Variants in MAML3 observed in about 807,000 individuals in gnomAD.
MAML3 encodes the protein mastermind-like protein 3.
A neutral mutation model predicts 101.9 loss-of-function variants in MAML3; 27 were observed. The ratio of observed to expected loss-of-function variants is 0.27; its 90% CI spans 0.20 to 0.37. The LOEUF is 0.37. Among genes scored for constraint, MAML3 ranks in the 10% least tolerant of loss-of-function variants. The pLI, the probability that MAML3 is intolerant of heterozygous loss-of-function variation, is 1.00. For missense variants in MAML3, 1,316 were observed against 1,444.9 expected (o/e 0.91, Z 1.45); for synonymous variants, 501 against 555.9 (o/e 0.90, Z 1.39).
At chr4:139,918,864 T>A (rs944723082) in intron 1 of MAML3, among the ~76,000 whole-genome samples, 1 of 152,134 alleles carries the variant, frequency 6.6e-6, no homozygotes, top group Admixed American at 6.5e-5. Context: ...TAATGCTCCC[T>A]CTGTTTACCT....
intron 1 of MAML3, among the ~76,000 whole-genome samples, chr4:139,908,681 A>G (rs1444890882): frequency 1.3e-5 from 2 of 152,226 alleles, no homozygotes; most frequent in East Asian, 3.8e-4. Flanking sequence ...ACCATACTTC[A>G]ATTCACATTC....
chr4:140,083,959 CACACACACAGAGAGAG>C lies in MAML3; in HGVS notation c.468+68885_468+68900del, dbSNP rs1196446342. ...ACACACACACACACACACACACACA[CACACACACAGAGAGAG>C]AGAGAGAGAGAGAGAGAGAGAGAGA... On this transcript the variant is annotated intron_variant, in intron 1 of 4. Coordinates refer to ENST00000509479, the MANE Select transcript of MAML3 (RefSeq NM_018717.5). Among the ~76,000 whole-genome samples the C allele has an allele frequency of 3.1e-3, 89 of 29,176 alleles. No homozygotes were observed. In the South Asian group the frequency reaches 0.054, roughly 18 times the overall value. 19.1% of individuals were successfully genotyped at this position (29,176 alleles called of 152,430 possible).
chr4:139,743,330 G>A (rs1043819480), intron 2 of MAML3, among the ~76,000 whole-genome samples: 4 of 152,248 alleles, frequency 2.6e-5, no homozygotes, highest in Non-Finnish European at 2.9e-5. Flanking sequence ...TTCTCAACCT[G>A]AGAAAGCTTC....
intron 1 of MAML3, among the ~76,000 whole-genome samples, chr4:139,930,324 A>G (rs1055381207): frequency 2.0e-5 from 3 of 152,188 alleles, no homozygotes; most frequent in Non-Finnish European, 2.9e-5. Context: ...GTTTCCAGGC[A>G]GAGTTTGTGA....
chr4:140,128,844 A>AGAG (rs1206886546), intron 1 of MAML3, among the ~76,000 whole-genome samples: 1 of 152,186 alleles, frequency 6.6e-6, no homozygotes, highest in African/African-American at 2.4e-5. Context: ...GGCAGAGTGG[A>AGAG]GAGACCCAGG....
intron 1 of MAML3, among the ~76,000 whole-genome samples, chr4:139,985,644 G>A (rs1734525483): frequency 6.6e-6 from 1 of 152,208 alleles, no homozygotes; most frequent in Non-Finnish European, 1.5e-5. Context: ...TCCTTATTTA[G>A]GGATTAATCT....
intron 2 of MAML3, among the ~76,000 whole-genome samples, chr4:139,797,065 G>T (rs1291159132): frequency 6.6e-6 from 1 of 152,078 alleles, no homozygotes; most frequent in East Asian, 1.9e-4. Flanking sequence ...GCCAGAGCAG[G>T]TACTCCCCCT....
At chr4:140,127,733 A>G (rs191184409) in intron 1 of MAML3, among the ~76,000 whole-genome samples, 4 of 152,312 alleles carry the variant, frequency 2.6e-5, no homozygotes, top group Admixed American at 2.6e-4. Context: ...TGTATCTCTC[A>G]GTCCTCACAT....
chr4:139,872,476 A>T (rs1732032121), intron 2 of MAML3, among the ~76,000 whole-genome samples: 1 of 152,232 alleles, frequency 6.6e-6, no homozygotes, highest in Non-Finnish European at 1.5e-5. Flanking sequence ...CATAGGGCAT[A>T]GAGAGCTTTG....
chr4:139,943,392 G>C (rs1254946254), intron 1 of MAML3, among the ~76,000 whole-genome samples: 1 of 152,164 alleles, frequency 6.6e-6, no homozygotes. Flanking sequence ...TCTACGATTT[G>C]AAAATAGAGA....
At chr4:139,993,898 G>T (rs1484181251) in intron 1 of MAML3, among the ~76,000 whole-genome samples, 1 of 152,114 alleles carries the variant, frequency 6.6e-6, no homozygotes, top group Non-Finnish European at 1.5e-5. Flanking sequence ...TACACTTTTG[G>T]TGTTGTATCT....
chr4:139,935,597 CTT>C (rs1733491176), intron 1 of MAML3, among the ~76,000 whole-genome samples: 1 of 150,206 alleles, frequency 6.7e-6, no homozygotes, highest in African/African-American at 2.4e-5. Context: ...TTATCTAACA[CTT>C]ATTCTCAGTG....
At chr4:139,913,272 T>C (rs950285948) in intron 1 of MAML3, among the ~76,000 whole-genome samples, 1 of 152,246 alleles carries the variant, frequency 6.6e-6, no homozygotes, top group African/African-American at 2.4e-5. Flanking sequence ...GCCTTAGTGC[T>C]GTCATCATCT....
intron 2 of MAML3, among the ~76,000 whole-genome samples, chr4:139,754,454 A>T (rs1234983357): frequency 2.6e-5 from 4 of 152,174 alleles, no homozygotes; most frequent in African/African-American, 9.7e-5. Context: ...GCTGCATGTT[A>T]CTCCATTGTA....
In MAML3 at chr4:139,909,836, C is replaced by CAAAAAAAAAAAA. The variant is rs11379402; in HGVS notation, c.469-18881_469-18870dup. 8.5e-5 allele frequency among the ~76,000 whole-genome samples: 5 copies of CAAAAAAAAAAAA among 58,726 alleles called. 1 individual carries two copies. Among genetic ancestry groups the CAAAAAAAAAAAA allele is most frequent in the East Asian group, 5.0e-4 (1 of 1,998 alleles). The allele number at this position is 58,726 out of a possible 152,430, so 38.5% of individuals were successfully genotyped here. On this transcript the variant is annotated intron_variant, in intron 1 of 4. Coordinates refer to ENST00000509479, the MANE Select transcript of MAML3 (RefSeq NM_018717.5). ...TGGGCCACAGAGTGCGATGCCGTCT[C>CAAAAAAAAAAAA]AAAAAAAAAAAAAAAAAAAAAAGAT...
rs1045125892 is a variant in MAML3, at chr4:139,903,261, C to G, written c.469-12294G>C. On this transcript the variant is annotated intron_variant, in intron 1 of 4. Coordinates refer to ENST00000509479, the MANE Select transcript of MAML3 (RefSeq NM_018717.5). ...AAGTGCTGAGATTAGAGATTTAAAC[C>G]ACTGTGTCCAGCTTCAGCAATGAAT... is the stretch of plus-strand genomic sequence containing the variant. Among the ~76,000 whole-genome samples the G allele has an allele frequency of 7.9e-5, 12 of 152,136 alleles. 1 individual carries two copies. The highest frequency in any genetic ancestry group is 2.2e-4 in the African/African-American group (9 of 41,430).
At chr4:139,818,520 G>A (rs1212813784) in intron 2 of MAML3, among the ~76,000 whole-genome samples, 3 of 152,088 alleles carry the variant, frequency 2.0e-5, no homozygotes. Context: ...TCCTACTCAT[G>A]ACTATTTTAC....
At chr4:139,875,795 G>A (rs755953481) in intron 2 of MAML3, among the ~76,000 whole-genome samples, 2 of 152,072 alleles carry the variant, frequency 1.3e-5, no homozygotes, top group Non-Finnish European at 2.9e-5. Flanking sequence ...AAAGCCGGCT[G>A]GGTTGGCTTA....
At chr4:140,025,352 T>C (rs995383885) in intron 1 of MAML3, among the ~76,000 whole-genome samples, 1 of 152,170 alleles carries the variant, frequency 6.6e-6, no homozygotes, top group African/African-American at 2.4e-5. Flanking sequence ...AGACGACAGA[T>C]GAACTGAGTA....
Sources: gnomAD v4.1 joint callset for allele counts (sites outside exome capture counted in the v4.1 genomes callset) on GRCh38, gnomAD v4.1.1 for gene constraint, MANE v1.5 for transcripts, NCBI Gene and HGNC (gene_info 2026-07-23, HGNC 2026-07-21) for gene names.